CUL3: variants seen among roughly 807,000 people sequenced by gnomAD.
The protein encoded by CUL3 is cullin-3.
Under a neutral mutation model 89.1 loss-of-function variants are expected in CUL3, and 19 were observed. The observed-to-expected ratio is 0.21, with a 90% CI of 0.15 to 0.31. The LOEUF (loss-of-function observed/expected upper bound fraction) is 0.31, where lower values mean the gene tolerates loss of function less well. Ranked by LOEUF, CUL3 falls within the 10% of genes least tolerant of loss-of-function variation. The pLI is 1.00. For synonymous variants in CUL3, 351 were observed against 308.4 expected, an observed-to-expected ratio of 1.14 and a Z score of -1.45; for missense variants, 469 against 942.3, an observed-to-expected ratio of 0.50 and a Z score of 6.58.
At chr2:224,478,085 T>C in intron 15 of CUL3, 115 bp downstream of exon 15, 1 of 1,062,152 alleles carries the variant, frequency 9.4e-7, no homozygotes, top group Non-Finnish European at 1.3e-6. Context: ...TCATAAGTGT[T>C]ACATCACTAG....
chr2:224,546,423 A>C (rs1694301486), intron 2 of CUL3, among the ~76,000 whole-genome samples: 2 of 152,266 alleles, frequency 1.3e-5, no homozygotes, highest in South Asian at 4.1e-4. Context: ...TTTAGTAATT[A>C]ACTCGAGTAG....
At chr2:224,559,303 A>T (rs1694829783) in intron 1 of CUL3, among the ~76,000 whole-genome samples, 1 of 150,956 alleles carries the variant, frequency 6.6e-6, no homozygotes, top group Non-Finnish European at 1.5e-5. Flanking sequence ...ATTTTTTAAG[A>T]ATTAGCTGAG....
chr2:224,571,537 T>C (rs939971258), intron 1 of CUL3, among the ~76,000 whole-genome samples: 17 of 152,296 alleles, frequency 1.1e-4, no homozygotes, highest in African/African-American at 3.9e-4. Flanking sequence ...TGCTCTGTCT[T>C]TGAATGATTC....
chr2:224,478,825 CAG>C (rs1266029956), intron 14 of CUL3: 1 of 152,362 alleles, frequency 6.6e-6, no homozygotes, highest in Non-Finnish European at 1.5e-5. Flanking sequence ...TGCCAAGATT[CAG>C]TCAGTGAAAT....
intron 1 of CUL3, among the ~76,000 whole-genome samples, chr2:224,584,438 G>C (rs1292962405): frequency 6.6e-6 from 1 of 152,138 alleles, no homozygotes; most frequent in Non-Finnish European, 1.5e-5. Flanking sequence ...ACTGCGTCGG[G>C]GGCAGGTTGA....
At chr2:224,537,896 T>C (rs1001553174) in intron 2 of CUL3, among the ~76,000 whole-genome samples, 1 of 152,192 alleles carries the variant, frequency 6.6e-6, no homozygotes, top group Non-Finnish European at 1.5e-5. Context: ...AAAAAGTTAA[T>C]GTTACAAAAT....
At chr2:224,534,228 A>T (rs1311479845) in intron 3 of CUL3, among the ~76,000 whole-genome samples, 1 of 152,220 alleles carries the variant, frequency 6.6e-6, no homozygotes, top group African/African-American at 2.4e-5. Flanking sequence ...GAAAGTTATT[A>T]AACAGCTGAG....
In CUL3 at chr2:224,497,732, G is replaced by C. The variant is rs370022115; in HGVS notation, c.1707+21C>G. On this transcript the variant is annotated intron_variant, in intron 12 of 15. Coordinates refer to ENST00000264414, the MANE Select transcript of CUL3 (RefSeq NM_003590.5). Reference sequence around the variant, plus strand: ...AGACTAACTTTAAGTTACTTAATACGTTCAAACTATCAATATTTACCTTTT... The same window carrying C: ...AGACTAACTTTAAGTTACTTAATACCTTCAAACTATCAATATTTACCTTTT... The C allele has an allele frequency of 7.7e-6, 12 of 1,565,960 alleles. No homozygotes were observed. In the Admixed American group the frequency reaches 1.7e-4, roughly 22 times the overall value.
At chr2:224,562,504 G>A (rs567184063) in intron 1 of CUL3, among the ~76,000 whole-genome samples, 3 of 152,096 alleles carry the variant, frequency 2.0e-5, no homozygotes, top group African/African-American at 4.8e-5. Flanking sequence ...CGGATGTGGT[G>A]GTGCGTGCCT....
intron 11 of CUL3, among the ~76,000 whole-genome samples, chr2:224,498,540 C>G (rs1181987090): frequency 6.6e-6 from 1 of 152,152 alleles, no homozygotes; most frequent in Non-Finnish European, 1.5e-5. Flanking sequence ...AGGGAAAAAA[C>G]CCAACATTTC....
At chr2:224,511,179 TAGTA>T (rs1692812228) in intron 6 of CUL3, among the ~76,000 whole-genome samples, 171 bp downstream of exon 6, 1 of 152,182 alleles carries the variant, frequency 6.6e-6, no homozygotes, top group Admixed American at 6.5e-5. Context: ...AAATCTTCGT[TAGTA>T]AGACAGAATC....
chr2:224,538,464 A>G (rs537445210), intron 2 of CUL3, among the ~76,000 whole-genome samples: 1 of 152,234 alleles, frequency 6.6e-6, no homozygotes, highest in Non-Finnish European at 1.5e-5. Context: ...ATTGAAAAAG[A>G]AAGCAAGCAT....
chr2:224,496,042 T>TTA, intron 12 of CUL3, 76 bp from the exon 13 acceptor site: 13 of 1,489,620 alleles, frequency 8.7e-6, no homozygotes, highest in Non-Finnish European at 1.1e-5. Flanking sequence ...TGTACGTACA[T>TTA]ATGTATGTTA....
At chr2:224,515,321 C>A (rs1317581090) in intron 3 of CUL3, among the ~76,000 whole-genome samples, 4 of 152,198 alleles carry the variant, frequency 2.6e-5, no homozygotes, top group African/African-American at 7.2e-5. Context: ...CAAGTTCTTA[C>A]CAACATGATT....
At chr2:224,543,005 C>A (rs923916009) in intron 2 of CUL3, among the ~76,000 whole-genome samples, 1 of 152,204 alleles carries the variant, frequency 6.6e-6, no homozygotes, top group African/African-American at 2.4e-5. Flanking sequence ...TACCCCACAA[C>A]ACACATAATT....
At chr2:224,502,560 G>C (rs1453669282) in intron 10 of CUL3, among the ~76,000 whole-genome samples, 1 of 152,154 alleles carries the variant, frequency 6.6e-6, no homozygotes, top group East Asian at 1.9e-4. Flanking sequence ...TAATAGTAGT[G>C]AGGTATAGGA....
chr2:224,563,648 T>C (rs985360046), intron 1 of CUL3, among the ~76,000 whole-genome samples: 25 of 152,362 alleles, frequency 1.6e-4, no homozygotes, highest in Admixed American at 7.8e-4. Context: ...TTAAATTGCA[T>C]GCCATTTTAT....
intron 2 of CUL3, among the ~76,000 whole-genome samples, chr2:224,552,236 T>A (rs1477604291): frequency 2.0e-5 from 3 of 151,218 alleles, no homozygotes; most frequent in Admixed American, 2.0e-4. Flanking sequence ...TTTTACTTTA[T>A]TTAGAAAAAA....
In CUL3 at chr2:224,470,335, G is replaced by A. The variant is rs2106124455; in HGVS notation, c.*3910C>T. ...AGCTATTTTTGCATGGCTCACTCGA[G>A]GTCAACTTAGACCCTAAAACTGAGC... On this transcript the variant is annotated 3_prime_UTR_variant, in exon 16 of 16. Coordinates refer to ENST00000264414, the MANE Select transcript of CUL3 (RefSeq NM_003590.5). 4.4e-6 allele frequency: 1 copy of A among 228,250 alleles called. No individual in the cohort carries two copies. The allele number at this position is 228,250 out of a possible 1,614,324, so 14.1% of individuals were successfully genotyped here.
Sources: allele counts gnomAD v4.1 joint callset (sites outside exome capture counted in the v4.1 genomes callset), GRCh38; gene constraint gnomAD v4.1.1; transcripts MANE v1.5; gene names NCBI Gene and HGNC (gene_info 2026-07-23, HGNC 2026-07-21).